The following TMEM207 variants were observed in gnomAD, a reference collection of about 807,000 sequenced individuals.
The protein encoded by TMEM207 is SRSR846.
TMEM207 carries 15 observed loss-of-function variants against 17.4 expected under a neutral mutation model. The observed-to-expected ratio is 0.86, with a 90% CI of 0.58 to 1.33. The LOEUF (loss-of-function observed/expected upper bound fraction) is 1.33. TMEM207 is among the 40% of genes most tolerant of loss of function. TMEM207 has a pLI of 0.00. For missense variants in TMEM207, 205 were observed against 173.8 expected, an observed-to-expected ratio of 1.18 and a Z score of -1.01; for synonymous variants, 70 against 65.6, an observed-to-expected ratio of 1.07 and a Z score of -0.33.
chr3:190,448,462 A>G (rs920395912), intron 1 of TMEM207, among the ~76,000 whole-genome samples: 3 of 152,284 alleles, frequency 2.0e-5, no homozygotes, highest in African/African-American at 7.2e-5. Flanking sequence ...TAATGCTCTT[A>G]GTTATCTGCA....
chr3:190,439,037 C>T (rs930199148), intron 4 of TMEM207, among the ~76,000 whole-genome samples: 7 of 151,830 alleles, frequency 4.6e-5, no homozygotes, highest in East Asian at 1.9e-4. Context: ...ATTAGCCGGG[C>T]GTGGTGGCGG....
At chr3:190,444,914 C>T (rs970002543) in intron 2 of TMEM207, among the ~76,000 whole-genome samples, 1 of 152,074 alleles carries the variant, frequency 6.6e-6, no homozygotes, top group African/African-American at 2.4e-5. Context: ...AATTCAGCTA[C>T]AGTAATTTGA....
At chr3:190,448,283 A>G (rs75618005) in intron 1 of TMEM207, among the ~76,000 whole-genome samples, 14,532 of 152,108 alleles carry the variant, frequency 0.096, 922 homozygotes, top group Non-Finnish European at 0.14. Context: ...TGGGCATTAA[A>G]TATATATTCA....
chr3:190,445,610 C>A (rs1165902052), intron 2 of TMEM207, among the ~76,000 whole-genome samples: 1 of 152,178 alleles, frequency 6.6e-6, no homozygotes, highest in African/African-American at 2.4e-5. Flanking sequence ...ACTGCAACCG[C>A]CACCTCCCAG....
rs541403994 is a variant in TMEM207, at chr3:190,429,781, A to G, written c.305-50T>C. 25 of 1,530,268 alleles carry G rather than the reference A, an allele frequency of 1.6e-5. No homozygotes were observed. The South Asian group carries it at 2.3e-4, about 14-fold the overall frequency. The allele number at this position is 1,530,268 out of a possible 1,614,324, so 94.8% of individuals were successfully genotyped here. On this transcript the variant is annotated intron_variant, in intron 4 of 4. Coordinates refer to ENST00000354905, the MANE Select transcript of TMEM207 (RefSeq NM_207316.3). Reference sequence around the variant, plus strand: ...GTAATCTTTCTAGTGAGCATAAAACATAAGTACATGAACTGCCCGATAAAA... The same window carrying G: ...GTAATCTTTCTAGTGAGCATAAAACGTAAGTACATGAACTGCCCGATAAAA...
At position 190,428,687 on chromosome 3, in the gene TMEM207, T is replaced by A. The variant is rs1181778638; in HGVS notation, c.*908A>T. ...TATCTATTGATGTTTATTGTTTTGT[T>A]CAACAAATTTGTCAGCTGAAGATCA... On this transcript the variant is annotated 3_prime_UTR_variant, in exon 5 of 5. Coordinates refer to ENST00000354905, the MANE Select transcript of TMEM207 (RefSeq NM_207316.3). 4 of 152,196 alleles carry A rather than the reference T, an allele frequency of 2.6e-5. No individual in the cohort carries two copies. Among genetic ancestry groups the A allele is most frequent in the Admixed American group, 6.5e-5 (1 of 15,272 alleles). 9.4% of individuals were successfully genotyped at this position (152,196 alleles called of 1,614,324 possible).
At chr3:190,433,094 TGGACAAACAATTGTGG>T (rs1350254487) in intron 4 of TMEM207, among the ~76,000 whole-genome samples, 2 of 152,222 alleles carry the variant, frequency 1.3e-5, no homozygotes, top group African/African-American at 4.8e-5. Flanking sequence ...ATTAAAAACA[TGGACAAACAATTGTGG>T]GGGTCCCTCT....
At chr3:190,430,440 T>G (rs554945956) in intron 4 of TMEM207, among the ~76,000 whole-genome samples, 1 of 151,684 alleles carries the variant, frequency 6.6e-6, no homozygotes, top group South Asian at 2.1e-4. Context: ...AAGACTGTGT[T>G]TGGGTAACAC....
At chr3:190,438,015 G>A (rs191739060) in intron 4 of TMEM207, among the ~76,000 whole-genome samples, 97 of 147,996 alleles carry the variant, frequency 6.6e-4, no homozygotes, top group African/African-American at 1.7e-3. Context: ...ACCAAACACC[G>A]TGTGTTCTCA....
chr3:190,449,285 G>A (rs1036322624), intron 1 of TMEM207, among the ~76,000 whole-genome samples: 7 of 152,152 alleles, frequency 4.6e-5, no homozygotes, highest in African/African-American at 1.7e-4. Context: ...GTCAGAAGGG[G>A]ATGCTGGAGC....
At chr3:190,445,277 C>T (rs1407118971) in intron 2 of TMEM207, among the ~76,000 whole-genome samples, 1 of 152,130 alleles carries the variant, frequency 6.6e-6, no homozygotes, top group Non-Finnish European at 1.5e-5. Context: ...TATTTTTGTT[C>T]ATTCATGCAC....
chr3:190,441,661 A>G (rs906139417), intron 2 of TMEM207, among the ~76,000 whole-genome samples, 179 bp from the exon 3 acceptor site: 2 of 152,222 alleles, frequency 1.3e-5, no homozygotes, highest in African/African-American at 2.4e-5. Context: ...TGCCCACTCA[A>G]TTCAAGGCAC....
At position 190,429,854 on chromosome 3, in the gene TMEM207, A is replaced by G. The variant is rs975920468; in HGVS notation, c.305-123T>C. On this transcript the variant is annotated intron_variant, in intron 4 of 4. Coordinates refer to ENST00000354905, the MANE Select transcript of TMEM207 (RefSeq NM_207316.3). ...AAGCAACAGAAAATTATTTGTATCT[A>G]TGAGAAAAAAATTACAACTATCTTG... 26 of 1,233,058 alleles carry G rather than the reference A, an allele frequency of 2.1e-5. No individual in the cohort carries two copies. The African/African-American group carries it at 3.0e-4, about 14-fold the overall frequency. The allele number at this position is 1,233,058 out of a possible 1,614,324, so 76.4% of individuals were successfully genotyped here.
chr3:190,434,291 G>T (rs1304747322), intron 4 of TMEM207, among the ~76,000 whole-genome samples: 1 of 152,186 alleles, frequency 6.6e-6, no homozygotes, highest in South Asian at 2.1e-4. Context: ...CGTGTGTTGT[G>T]GGAGGGATCT....
At chr3:190,440,474 A>T in intron 3 of TMEM207, 85 bp from the exon 4 acceptor site, 1 of 1,322,118 alleles carries the variant, frequency 7.6e-7, no homozygotes, top group Non-Finnish European at 1.0e-6. Context: ...AAGTGGGGTG[A>T]AGACTCAGCT....
chr3:190,435,054 ATCT>A (rs1185190678), intron 4 of TMEM207, among the ~76,000 whole-genome samples: 2 of 151,532 alleles, frequency 1.3e-5, no homozygotes, highest in Non-Finnish European at 2.9e-5. Context: ...CTTTCTTCTG[ATCT>A]TCTCCTCTTC....
At chr3:190,442,271 A>G (rs73192476) in intron 2 of TMEM207, among the ~76,000 whole-genome samples, 15,007 of 152,188 alleles carry the variant, frequency 0.099, 1,183 homozygotes, top group East Asian at 0.33. Flanking sequence ...GGTATTCTGA[A>G]CTGAGCTTGA....
chr3:190,444,576 T>C, intron 2 of TMEM207: 1 of 397,668 alleles, frequency 2.5e-6, no homozygotes, highest in Non-Finnish European at 3.4e-6. Flanking sequence ...GAGATCAGTT[T>C]GTAAACCGAA....
intron 1 of TMEM207, 48 bp downstream of exon 1, chr3:190,449,677 TCCTCAGAGTA>T (rs1432753406): frequency 8.6e-6 from 13 of 1,508,088 alleles, no homozygotes; most frequent in Middle Eastern, 3.4e-4. Context: ...GCAAATCAAG[TCCTCAGAGTA>T]CCTCAGAGTA....
Sources: gnomAD v4.1 joint callset for allele counts (sites outside exome capture counted in the v4.1 genomes callset) on GRCh38, gnomAD v4.1.1 for gene constraint, MANE v1.5 for transcripts, NCBI Gene and HGNC (gene_info 2026-07-23, HGNC 2026-07-21) for gene names.